FZD6: variants seen among roughly 807,000 people sequenced by gnomAD.
FZD6 encodes the protein frizzled-6.
Under a neutral mutation model 61.4 loss-of-function variants are expected in FZD6, and 49 were observed. The ratio of observed to expected loss-of-function variants is 0.80; its 90% confidence interval spans 0.63 to 1.01. The LOEUF is 1.01. Ranked by LOEUF, FZD6 falls within the 50% of genes least tolerant of loss-of-function variation. The pLI is 0.00. For missense variants in FZD6, 724 were observed against 848.2 expected, an observed-to-expected ratio of 0.85 and a Z score of 1.82; for synonymous variants, 265 against 292.2, an observed-to-expected ratio of 0.91 and a Z score of 0.95.
intron 2 of FZD6, among the ~76,000 whole-genome samples, chr8:103,303,926 T>C (rs1297181003): frequency 2.8e-5 from 1 of 35,416 alleles, no homozygotes; most frequent in Non-Finnish European, 5.1e-5. Context: ...TATGAGTCAG[T>C]TTTTTTTTTT....
At chr8:103,317,422 T>G (rs976219130) in intron 2 of FZD6, among the ~76,000 whole-genome samples, 1 of 152,156 alleles carries the variant, frequency 6.6e-6, no homozygotes, top group African/African-American at 2.4e-5. Flanking sequence ...GAAAATTGAC[T>G]GTAAGATTAG....
chr8:103,301,898 C>G (rs892086819), intron 2 of FZD6, among the ~76,000 whole-genome samples: 1 of 152,126 alleles, frequency 6.6e-6, no homozygotes, highest in Admixed American at 6.5e-5. Context: ...TAGCTTCTTT[C>G]CCAAGTAGTT....
chr8:103,325,503 A>G lies in FZD6; in HGVS notation c.1392+5A>G. On this transcript the variant is annotated splice_donor_5th_base_variant and intron_variant, in intron 4 of 6. Coordinates refer to ENST00000358755, the MANE Select transcript of FZD6 (RefSeq NM_003506.4). ...CATATCCCATGTCCTTATCAGGTAA[A>G]AGCTATCACTTGGATTATGTCTCTA... The G allele has an allele frequency of 6.3e-7, 1 of 1,595,564 alleles. No individual in the cohort carries two copies. The highest frequency in any genetic ancestry group is 1.1e-5 in the South Asian group (1 of 90,702).
intron 2 of FZD6, among the ~76,000 whole-genome samples, chr8:103,305,775 CCTT>C (rs1814313041): frequency 6.6e-6 from 1 of 152,226 alleles, no homozygotes; most frequent in South Asian, 2.1e-4. Context: ...TCCCTTGACT[CCTT>C]CTTTTGAAAC....
chr8:103,310,538 T>G (rs949413773), intron 2 of FZD6, among the ~76,000 whole-genome samples: 4 of 152,150 alleles, frequency 2.6e-5, no homozygotes, highest in Non-Finnish European at 5.9e-5. Context: ...GTGCTGAGAT[T>G]ACAGGTGTGA....
At chr8:103,306,794 C>T (rs530428142) in intron 2 of FZD6, among the ~76,000 whole-genome samples, 3 of 152,104 alleles carry the variant, frequency 2.0e-5, no homozygotes, top group Admixed American at 6.5e-5. Context: ...CGTGAGCCAC[C>T]GCGCCTGGCC....
intron 1 of FZD6, among the ~76,000 whole-genome samples, chr8:103,299,620 G>A (rs1164117497): frequency 1.3e-5 from 2 of 152,180 alleles, no homozygotes; most frequent in South Asian, 2.1e-4. Flanking sequence ...CTTTCCAACA[G>A]GGGCCCTTAG....
chr8:103,328,696 C>T (rs2130342266), intron 5 of FZD6, among the ~76,000 whole-genome samples: 1 of 151,422 alleles, frequency 6.6e-6, no homozygotes, highest in South Asian at 2.1e-4. Context: ...GGCATATTTT[C>T]TTTTCATGAT....
intron 2 of FZD6, among the ~76,000 whole-genome samples, chr8:103,316,362 C>T (rs2131858): frequency 0.3 from 45,220 of 152,076 alleles, 7,729 homozygotes; most frequent in East Asian, 0.54. Context: ...AGCCATCTGC[C>T]CTTCTGTCAA....
At position 103,328,351 on chromosome 8, in the gene FZD6, C is replaced by A. The variant is rs1815017076; in HGVS notation, c.1476C>A (p.Phe492Leu). The A allele has an allele frequency of 6.2e-7, 1 of 1,612,182 alleles. No individual in the cohort carries two copies. The highest frequency in any genetic ancestry group is 8.5e-7 in the Non-Finnish European group (1 of 1,178,376). Residue 492 changes from phenylalanine (F) to leucine (L), a missense_variant, in exon 5 of 7, where the codon TTC becomes TTA. By Grantham distance (22) the Phe-to-Leu change is conservative. Transcript: ENST00000358755. ...TAATTGTTGGCATCTCTGCTGTCTT[C>A]TGGGTTGGAAGCAAAAAGACATGCA... The part of the protein sequence containing the change: ...MTLIVGISAV[F>L]WVGSKKTCTE...
chr8:103,309,238 G>C (rs559803577), intron 2 of FZD6, among the ~76,000 whole-genome samples: 5 of 152,210 alleles, frequency 3.3e-5, no homozygotes, highest in Non-Finnish European at 7.3e-5. Context: ...GGGGCCACTT[G>C]TTGGGAACCA....
rs564717000 is a variant in FZD6, at chr8:103,308,333, G to A, written c.177+8049G>A. Among the ~76,000 whole-genome samples, 33 of 152,198 alleles carry A rather than the reference G, an allele frequency of 2.2e-4. 1 individual carries two copies. The highest frequency in any genetic ancestry group is 3.4e-3 in the Middle Eastern group (1 of 294). On this transcript the variant is annotated intron_variant, in intron 2 of 6. Transcript: ENST00000358755. ...AAGTCCAGTCACACACTGCTTTTCC[G>A]GACTCCTAATACCAGTTCTGTAGAA...
Position 103,331,836 on chromosome 8 carries a change from CT to C in FZD6, c.*333del. On this transcript the variant is annotated 3_prime_UTR_variant, in exon 7 of 7. Transcript: ENST00000358755. The stretch of plus-strand genomic sequence containing the variant: ...TTTTAAGATGTACTATGCTATTTTA[CT>C]TTTTTGATATAAAATCAAGATATTT... 4.4e-6 allele frequency: 1 copy of C among 227,364 alleles called. No individual in the cohort carries two copies. Among genetic ancestry groups the C allele is most frequent in the South Asian group, 6.6e-5 (1 of 15,052 alleles). The allele number at this position is 227,364 out of a possible 1,614,324, so 14.1% of individuals were successfully genotyped here. A position where few individuals can be genotyped will look rare whatever the true frequency, so the allele number is the denominator to read the frequency against.
intron 4 of FZD6, among the ~76,000 whole-genome samples, chr8:103,326,694 C>CA (rs781037603): frequency 1.9e-3 from 170 of 91,214 alleles, no homozygotes; most frequent in East Asian, 6.7e-3. Context: ...TTCTGCGTGA[C>CA]AAAAAAAAAC....
intron 2 of FZD6, among the ~76,000 whole-genome samples, chr8:103,305,175 C>T (rs1412735406): frequency 6.6e-6 from 1 of 152,158 alleles, no homozygotes; most frequent in Non-Finnish European, 1.5e-5. Context: ...AGAGCTGAGA[C>T]TGATCTAGGG....
At position 103,325,123 on chromosome 8, in the gene FZD6, T is replaced by C. The variant is rs759239566; in HGVS notation, c.1017T>C (p.Thr339=). ...AVAWGTPGFL[T]VMLLAMNKVE... ...CATGGGGAACACCAGGTTTCCTGAC[T>C]GTTATGCTTCTTGCTATGAACAAAG... Residue 339 remains threonine (T), a synonymous_variant, in exon 4 of 7, where the codon ACT becomes ACC. Coordinates refer to ENST00000358755, the MANE Select transcript of FZD6 (RefSeq NM_003506.4). The C allele has an allele frequency of 8.1e-6, 13 of 1,614,094 alleles. No individual in the cohort carries two copies. The African/African-American group carries it at 1.5e-4, about 18-fold the overall frequency.
rs1814058440 is a variant in FZD6, at chr8:103,298,935, G to A, written c.-213G>A. Reference sequence around the variant, plus strand: ...AACCCCGGAGCCGTCTCAGGTCCCTGGGGGGAACGGTGGGTTAGACGGGGA... The same window carrying A: ...AACCCCGGAGCCGTCTCAGGTCCCTAGGGGGAACGGTGGGTTAGACGGGGA... On this transcript the variant is annotated 5_prime_UTR_variant, in exon 1 of 7. Transcript: ENST00000358755. The A allele has an allele frequency of 6.5e-6, 1 of 153,214 alleles. No individual in the cohort carries two copies. The highest frequency in any genetic ancestry group is 2.4e-5 in the African/African-American group (1 of 41,448). The allele number at this position is 153,214 out of a possible 1,614,324, so 9.5% of individuals were successfully genotyped here. A position where few individuals can be genotyped will look rare whatever the true frequency, so the allele number is the denominator to read the frequency against.
intron 2 of FZD6, 44 bp downstream of exon 2, chr8:103,300,328 T>A: frequency 7.8e-7 from 1 of 1,282,238 alleles, no homozygotes; most frequent in East Asian, 2.3e-5. Context: ...GTTTATGCTC[T>A]GTTCTAGAAT....
rs58157848 is a variant in FZD6 at position 103,313,760 on chromosome 8, C to CTGTGTGTGTG, written c.178-4796_178-4787dup. Among the ~76,000 whole-genome samples the CTGTGTGTGTG allele has an allele frequency of 4.0e-3, 566 of 142,830 alleles. 1 individual carries two copies. The highest frequency in any genetic ancestry group is 0.014 in the East Asian group (69 of 4,828). The allele number at this position is 142,830 out of a possible 152,430, so 93.7% of individuals were successfully genotyped here. A position where few individuals can be genotyped will look rare whatever the true frequency, so the allele number is the denominator to read the frequency against. On this transcript the variant is annotated intron_variant, in intron 2 of 6. Transcript: ENST00000358755. ...GGATCTGACCTGAGACTTGATTTTT[C>CTGTGTGTGTG]TGTGTGTGTGTGTGTGTGTGTGTGT... is the stretch of plus-strand genomic sequence containing the variant.
Sources: gnomAD v4.1 joint callset for allele counts (sites outside exome capture counted in the v4.1 genomes callset) on GRCh38, gnomAD v4.1.1 for gene constraint, MANE v1.5 for transcripts, NCBI Gene and HGNC (gene_info 2026-07-23, HGNC 2026-07-21) for gene names.